The following NANOS3 variants were observed in gnomAD, a reference collection of about 807,000 sequenced individuals.
The protein encoded by NANOS3 is nanos C2HC-type zinc finger 3, also known as nanos homolog 3.
A neutral mutation model predicts 13.8 loss-of-function variants in NANOS3; 11 were observed. That is an observed-to-expected ratio of 0.80 (90% confidence interval 0.50 to 1.32). The LOEUF is 1.32. Ranked by LOEUF, NANOS3 falls within the 40% of genes most tolerant of loss-of-function variation. NANOS3 has a pLI of 0.00. For synonymous variants in NANOS3, 119 were observed against 115.4 expected (o/e 1.03, Z -0.20); for missense variants, 221 against 263.8 (o/e 0.84, Z 1.12).
chr19:13,863,828 G>A (rs1202341081), upstream of NANOS3, among the ~76,000 whole-genome samples: 1 of 152,214 alleles, frequency 6.6e-6, no homozygotes, highest in Non-Finnish European at 1.5e-5. Context: ...GAGACCTGAA[G>A]GCAGCTGGAC....
At chr19:13,873,925 C>T (rs1168933137), upstream of NANOS3, among the ~76,000 whole-genome samples, 1 of 151,896 alleles carries the variant, frequency 6.6e-6, no homozygotes, top group Middle Eastern at 3.2e-3. Context: ...GGGTGGTCGC[C>T]GAACTCTGTG....
chr19:13,876,665 G>C (rs1599304495), upstream of NANOS3, among the ~76,000 whole-genome samples: 1 of 151,604 alleles, frequency 6.6e-6, no homozygotes, highest in East Asian at 1.9e-4. Context: ...TTCAGAGACA[G>C]CTGGAGCATC....
intron 1 of NANOS3, among the ~76,000 whole-genome samples, chr19:13,869,766 A>ACACG (rs1276635446): frequency 3.4e-5 from 5 of 147,828 alleles, no homozygotes; most frequent in Admixed American, 2.0e-4. Flanking sequence ...ACACACACAC[A>ACACG]CACGCACGCA....
chr19:13,875,344 A>C (rs540532136), upstream of NANOS3, among the ~76,000 whole-genome samples: 9 of 151,694 alleles, frequency 5.9e-5, no homozygotes, highest in South Asian at 1.9e-3. Flanking sequence ...CTGCCACCAC[A>C]GTGGGCTAAT....
chr19:13,873,649 T>C (rs1968440369), upstream of NANOS3, among the ~76,000 whole-genome samples: 1 of 151,922 alleles, frequency 6.6e-6, no homozygotes, highest in Admixed American at 6.6e-5. Context: ...GCTAATTTTT[T>C]TGTAGGGACA....
In NANOS3 at chr19:13,877,748, G is replaced by A; in HGVS notation, c.500G>A (p.Gly167Glu). The A allele has an allele frequency of 6.4e-7, 1 of 1,566,946 alleles. No individual in the cohort carries two copies. Among genetic ancestry groups the A allele is most frequent in the South Asian group, 1.2e-5 (1 of 86,624 alleles). The change falls in exon 1 of 2, where the codon GGA (glycine) becomes GAA (glutamate). Residue 167 changes from glycine to glutamate, a missense_variant. By Grantham distance (98) the Gly-to-Glu change is moderately conservative. Around this residue, in one of 3 missense-constraint regions of NANOS3, gnomAD observed 60 missense variants for 56.5 expected, o/e 1.06. Coordinates refer to ENST00000339133, the MANE Select transcript of NANOS3 (RefSeq NM_001098622.3). ...AKTQDTGHRR[G>E]GGGGAGFRGA... ...ACACAGGACACAGGCCACCGCCGAG[G>A]AGGAGGAGGAGGAGCAGGTGCCTGC...
Position 13,880,086 on chromosome 19 carries a change from T to C in NANOS3, c.518-356T>C, listed in dbSNP as rs141906574. On this transcript the variant is annotated intron_variant, in intron 1 of 1. Transcript: ENST00000339133. ...AGAAGATAGTGTTTCCTGTGAGGTT[T>C]GATGCTGTCTCACTGGGAGACGCTG... 2.7e-3 allele frequency among the ~76,000 whole-genome samples: 407 copies of C among 152,308 alleles called. 1 individual carries two copies. The highest frequency in any genetic ancestry group is 9.5e-3 in the African/African-American group (395 of 41,576).
At chr19:13,875,638 A>G (rs1274936637), upstream of NANOS3, among the ~76,000 whole-genome samples, 2 of 151,792 alleles carry the variant, frequency 1.3e-5, no homozygotes, top group African/African-American at 4.8e-5. Context: ...TAATAACTGG[A>G]GTCAAGCGTT....
chr19:13,873,575 C>G (rs1234705873), upstream of NANOS3, among the ~76,000 whole-genome samples: 1 of 152,042 alleles, frequency 6.6e-6, no homozygotes, highest in Non-Finnish European at 1.5e-5. Context: ...TCTTGGGGTC[C>G]AAGCGATCCT....
At chr19:13,865,513 G>A (rs1302727728) in intron 1 of NANOS3, 6 of 145,202 alleles carry the variant, frequency 4.1e-5, no homozygotes, top group African/African-American at 1.5e-4. Context: ...GCGGCGGGGC[G>A]GGGCGGGACG....
upstream of NANOS3, among the ~76,000 whole-genome samples, chr19:13,872,800 G>A (rs1240588236): frequency 6.6e-6 from 1 of 152,162 alleles, no homozygotes; most frequent in East Asian, 1.9e-4. Flanking sequence ...GATGAGCTGC[G>A]AGAGAGGGCG....
At position 13,877,736 on chromosome 19, in the gene NANOS3, GCCA is replaced by G. The variant is rs747758889; in HGVS notation, c.491_493del (p.His164del). 2.5e-5 allele frequency: 39 copies of G among 1,586,728 alleles called. No individual in the cohort carries two copies. Among genetic ancestry groups the G allele is most frequent in the Non-Finnish European group, 2.9e-5 (34 of 1,168,662 alleles). ...GACAAGGCGAAGACACAGGACACAG[GCCA>G]CCGCCGAGGAGGAGGAGGAGGAGCA... On this transcript the variant is annotated inframe_deletion, in exon 1 of 2. Transcript: ENST00000339133.
chr19:13,873,843 G>A (rs973065511), upstream of NANOS3, among the ~76,000 whole-genome samples: 3 of 149,752 alleles, frequency 2.0e-5, no homozygotes, highest in Non-Finnish European at 4.4e-5. Flanking sequence ...ATCCCTGGTC[G>A]TCACTGCTTG....
upstream of NANOS3, chr19:13,874,854 C>T (rs1453095309): frequency 1.9e-6 from 1 of 525,760 alleles, no homozygotes; most frequent in Admixed American, 1.9e-5. Flanking sequence ...GCCTGGGGAG[C>T]CCCCAATCCA....
chr19:13,880,522 G>T lies in NANOS3; in HGVS notation c.*19G>T. On this transcript the variant is annotated 3_prime_UTR_variant, in exon 2 of 2. Transcript: ENST00000339133. ...CACCTAGGAGGCTGCCTACACCTGGGCAAGGGCACCCGGGCTCGGCTGGAT... is the reference window on the plus strand; with the variant it reads ...CACCTAGGAGGCTGCCTACACCTGGTCAAGGGCACCCGGGCTCGGCTGGAT... 1 of 1,611,814 alleles carries T rather than the reference G, an allele frequency of 6.2e-7. No homozygotes were observed. Among genetic ancestry groups the T allele is most frequent in the East Asian group, 2.2e-5 (1 of 44,794 alleles).
At chr19:13,878,996 C>G (rs1968575428) in intron 1 of NANOS3, among the ~76,000 whole-genome samples, 1 of 150,882 alleles carries the variant, frequency 6.6e-6, no homozygotes, top group Non-Finnish European at 1.5e-5. Flanking sequence ...GGCTAGAGTG[C>G]AGTGGCGCGA....
chr19:13,880,531 C>T lies in NANOS3; in HGVS notation c.*28C>T, dbSNP rs930154057. Reference sequence around the variant, plus strand: ...GGCTGCCTACACCTGGGCAAGGGCACCCGGGCTCGGCTGGATTTCCAGGAA... The same window carrying T: ...GGCTGCCTACACCTGGGCAAGGGCATCCGGGCTCGGCTGGATTTCCAGGAA... On this transcript the variant is annotated 3_prime_UTR_variant, in exon 2 of 2. Transcript: ENST00000339133. 5.0e-6 allele frequency: 8 copies of T among 1,607,832 alleles called. No individual in the cohort carries two copies. The African/African-American group carries it at 8.0e-5, about 16-fold the overall frequency.
At chr19:13,862,391 G>A (rs538011908), upstream of NANOS3, among the ~76,000 whole-genome samples, 5 of 152,212 alleles carry the variant, frequency 3.3e-5, no homozygotes, top group East Asian at 5.8e-4. Context: ...CAGTCCCGCC[G>A]GCCTCCACAG....
upstream of NANOS3, among the ~76,000 whole-genome samples, chr19:13,877,061 A>G (rs1857146681): frequency 6.6e-6 from 1 of 151,692 alleles, no homozygotes; most frequent in South Asian, 2.1e-4. Context: ...ACAATAAGGA[A>G]CCTCCCACAG....
Sources: allele counts gnomAD v4.1 joint callset (sites outside exome capture counted in the v4.1 genomes callset), GRCh38; gene constraint gnomAD v4.1.1; regional missense constraint gnomAD v4.1.1; transcripts MANE v1.5; gene names NCBI Gene and HGNC (gene_info 2026-07-23, HGNC 2026-07-21).